RGS12: variants seen among roughly 807,000 people sequenced by gnomAD.
RGS12 encodes regulator of G protein signaling 12, also known as regulator of G-protein signaling 12.
RGS12 carries 66 observed loss-of-function variants against 120.1 expected under a neutral mutation model. The ratio of observed to expected loss-of-function variants is 0.55; its 90% CI spans 0.45 to 0.67. RGS12 has a LOEUF of 0.67. Ranked by LOEUF, RGS12 falls within the 30% of genes least tolerant of loss-of-function variation. RGS12 has a pLI of 0.00. For synonymous variants in RGS12, 827 were observed against 804.7 expected, an observed-to-expected ratio of 1.03 and a Z score of -0.47; for missense variants, 1,859 against 1,957.7, an observed-to-expected ratio of 0.95 and a Z score of 0.95.
At chr4:3,399,792 C>A (rs187733023) in intron 4 of RGS12, among the ~76,000 whole-genome samples, 1 of 152,178 alleles carries the variant, frequency 6.6e-6, no homozygotes. Flanking sequence ...CACCAAAAAT[C>A]CTGGTGGGTT....
chr4:3,300,144 T>C (rs1723602771), intron 1 of RGS12, among the ~76,000 whole-genome samples: 1 of 152,234 alleles, frequency 6.6e-6, no homozygotes, highest in South Asian at 2.1e-4. Flanking sequence ...GTGGCATCGC[T>C]GCAGGCTTGC....
At chr4:3,348,962 C>T (rs934413834) in intron 3 of RGS12, among the ~76,000 whole-genome samples, 3 of 152,080 alleles carry the variant, frequency 2.0e-5, no homozygotes, top group Non-Finnish European at 2.9e-5. Flanking sequence ...TAACCTCATA[C>T]GAGGGAAATT....
At chr4:3,291,207 G>A (rs1293656620), upstream of RGS12, among the ~76,000 whole-genome samples, 1 of 152,250 alleles carries the variant, frequency 6.6e-6, no homozygotes, top group East Asian at 1.9e-4. Context: ...CTGCCCTGGA[G>A]CCTCAGGAGG....
At chr4:3,341,836 G>A (rs1713249630) in intron 2 of RGS12, among the ~76,000 whole-genome samples, 1 of 144,816 alleles carries the variant, frequency 6.9e-6, no homozygotes, top group African/African-American at 2.6e-5. Context: ...GGATGGAGGT[G>A]TGGGCGGAGG....
At position 3,422,914 on chromosome 4, in the gene RGS12, C is replaced by G; in HGVS notation, c.3043C>G (p.Leu1015Val). ...TCTCTCTGTTCCTCAGCCTCTGGTG[C>G]TGCACCAAGACAGTAGCATCTTGGA... ...FLVGGDKPLV[L>V]HQDSSILESR... The change falls in exon 12 of 18, where the codon CTG becomes GTG. Residue 1015 changes from leucine (L) to valine (V), a missense_variant. Around this residue, in one of 3 missense-constraint regions of RGS12, gnomAD observed 375 missense variants for 475.0 expected, o/e 0.79. Transcript: ENST00000336727. The G allele has an allele frequency of 6.2e-7, 1 of 1,613,172 alleles. No individual in the cohort carries two copies. Among genetic ancestry groups the G allele is most frequent in the African/African-American group, 1.3e-5 (1 of 75,070 alleles).
At chr4:3,414,600 C>T in intron 5 of RGS12, 152 bp from the exon 6 acceptor site, 1 of 650,192 alleles carries the variant, frequency 1.5e-6, no homozygotes, top group Admixed American at 2.7e-5. Flanking sequence ...AGTGCGGTTC[C>T]CTAAAGTGCT....
intron 10 of RGS12, among the ~76,000 whole-genome samples, chr4:3,421,263 G>T (rs1722991820): frequency 6.6e-6 from 1 of 152,200 alleles, no homozygotes; most frequent in South Asian, 2.1e-4. Flanking sequence ...TCGTGAGCTT[G>T]TTAGATGTTG....
In RGS12 at chr4:3,425,479, C is replaced by T. The variant is rs527633056; in HGVS notation, c.3250C>T (p.Pro1084Ser). 1.9e-6 allele frequency: 3 copies of T among 1,612,168 alleles called. No individual in the cohort carries two copies. The highest frequency in any genetic ancestry group is 3.3e-5 in the Admixed American group (2 of 59,938). ...LLVRLSGEKE[P>S]LDLGAPISSL... ...TCTGCCCTAGAGTGGAGAGAAGGAG[C>T]CCCTGGACCTTGGCGCCCCTATATC... Residue 1084 changes from proline (P) to serine (S), a missense_variant, in exon 14 of 18, where the codon CCC (proline) becomes TCC (serine). Pro to Ser is a moderately conservative substitution (Grantham distance 74). This residue lies in a region of RGS12 where 517 missense variants were observed against 488.5 expected (regional missense o/e 1.06). Coordinates refer to ENST00000336727, the MANE Select transcript of RGS12 (RefSeq NM_001394154.1).
intron 2 of RGS12, among the ~76,000 whole-genome samples, chr4:3,331,123 A>G (rs1004106478): frequency 2.0e-5 from 3 of 152,232 alleles, no homozygotes; most frequent in Non-Finnish European, 4.4e-5. Flanking sequence ...AAAAGCTCCC[A>G]AGGGCATATC....
chr4:3,419,654 C>G (rs940203232), intron 9 of RGS12: 4 of 150,602 alleles, frequency 2.7e-5, no homozygotes, highest in Non-Finnish European at 5.9e-5. Context: ...CTCATCTCTA[C>G]AAAAAAAAAT....
In RGS12 at chr4:3,374,820, G is replaced by T. The variant is rs544857062; in HGVS notation, c.1999-11596G>T. 6.6e-6 allele frequency among the ~76,000 whole-genome samples: 1 copy of T among 152,190 alleles called. No homozygotes were observed. The highest frequency in any genetic ancestry group is 2.1e-4 in the South Asian group (1 of 4,826). Reference sequence around the variant, plus strand: ...CCATGCACCTGCCAGAGTGAGCAGCGCCATCCTAGCCGCCCCTGCTCTTTG... The same window carrying T: ...CCATGCACCTGCCAGAGTGAGCAGCTCCATCCTAGCCGCCCCTGCTCTTTG... On this transcript the variant is annotated intron_variant, in intron 3 of 17. Transcript: ENST00000336727. The surrounding 1 kb of genome is among the most constrained non-coding windows in gnomAD (Gnocchi z 6.3).
intron 4 of RGS12, among the ~76,000 whole-genome samples, chr4:3,406,587 TA>T (rs1184503822): frequency 3.9e-5 from 6 of 152,240 alleles, no homozygotes; most frequent in Non-Finnish European, 7.3e-5. Flanking sequence ...GCTTCTGTCC[TA>T]ACTGCAGAGA....
rs1476674495 is a variant in RGS12, at chr4:3,365,832, A to T, written c.1999-20584A>T. ...GGAAATTTTCTGAACTGTCCTTAAG[A>T]TCCTGTGAACTCCGGACATGTAATA... On this transcript the variant is annotated intron_variant, in intron 3 of 17. Transcript: ENST00000336727. The surrounding 1 kb of genome is among the most constrained non-coding windows in gnomAD (Gnocchi z 4.0). 6.6e-6 allele frequency among the ~76,000 whole-genome samples: 1 copy of T among 152,172 alleles called. No individual in the cohort carries two copies. Among genetic ancestry groups the T allele is most frequent in the Admixed American group, 6.5e-5 (1 of 15,286 alleles).
chr4:3,436,418 G>C (rs1724811153), intron 17 of RGS12, among the ~76,000 whole-genome samples: 1 of 152,052 alleles, frequency 6.6e-6, no homozygotes, highest in Admixed American at 6.5e-5. Flanking sequence ...AGAGGAGGTG[G>C]CTGCGCTTGG....
intron 8 of RGS12, 141 bp from the exon 9 acceptor site, chr4:3,417,247 T>C: frequency 7.6e-7 from 1 of 1,307,232 alleles, no homozygotes; most frequent in Non-Finnish European, 1.0e-6. Flanking sequence ...TGGAGTCCTG[T>C]CAGGGCCACA....
chr4:3,429,039 C>T (rs574886234), intron 16 of RGS12, among the ~76,000 whole-genome samples: 33 of 152,354 alleles, frequency 2.2e-4, no homozygotes, highest in Non-Finnish European at 1.5e-4. Context: ...CTGGCTTGTG[C>T]CAGGGTCCCC....
intron 3 of RGS12, among the ~76,000 whole-genome samples, chr4:3,381,938 T>C (rs1219707521): frequency 1.3e-5 from 2 of 152,234 alleles, no homozygotes; most frequent in African/African-American, 2.4e-5. Flanking sequence ...CTGTGCACTG[T>C]GTAAACTGGG....
rs892736871 is a variant in RGS12 at position 3,433,142 on chromosome 4, T to G, written c.4114+2187T>G. Among the ~76,000 whole-genome samples the G allele has an allele frequency of 6.6e-6, 1 of 152,206 alleles. No homozygotes were observed. The highest frequency in any genetic ancestry group is 1.5e-5 in the Non-Finnish European group (1 of 68,024). On this transcript the variant is annotated intron_variant, in intron 17 of 17. Coordinates refer to ENST00000336727, the MANE Select transcript of RGS12 (RefSeq NM_001394154.1). The surrounding 1 kb of genome is among the most constrained non-coding windows in gnomAD (Gnocchi z 4.4). Reference sequence around the variant, plus strand: ...TGGGCCGGGGCGAGCCTGGACTGAGTGCTGACCTGTCCGTTTTCAGGGTTT... The same window carrying G: ...TGGGCCGGGGCGAGCCTGGACTGAGGGCTGACCTGTCCGTTTTCAGGGTTT...
intron 1 of RGS12, among the ~76,000 whole-genome samples, chr4:3,303,247 G>T (rs1294743784): frequency 6.6e-6 from 1 of 152,148 alleles, no homozygotes; most frequent in Non-Finnish European, 1.5e-5. Context: ...TGAGGGCAGG[G>T]TGGGCCGGCA....
Sources: allele counts gnomAD v4.1 joint callset (sites outside exome capture counted in the v4.1 genomes callset), GRCh38; gene constraint gnomAD v4.1.1; regional missense constraint gnomAD v4.1.1; non-coding constraint Gnocchi (gnomAD v3.1); transcripts MANE v1.5; gene names NCBI Gene and HGNC (gene_info 2026-07-23, HGNC 2026-07-21).